The following RSF1 variants were observed in gnomAD, a reference collection of about 807,000 sequenced individuals.
The protein encoded by RSF1 is HBV pX-associated protein 8.
RSF1 carries 13 observed loss-of-function variants against 145.2 expected under a neutral mutation model. That is an observed-to-expected ratio of 0.09 (90% CI 0.06 to 0.14). The LOEUF is 0.14. RSF1 is among the 10% of genes least tolerant of loss of function. RSF1 has a pLI of 1.00. For synonymous variants in RSF1, 577 were observed against 592.6 expected (o/e 0.97, Z 0.38); for missense variants, 1,517 against 1,718.2 (o/e 0.88, Z 2.07).
At chr11:77,755,821 G>A (rs138978894) in intron 2 of RSF1, among the ~76,000 whole-genome samples, 2,076 of 152,094 alleles carry the variant, frequency 0.014, 23 homozygotes, top group Middle Eastern at 0.044. Context: ...CTCGTGATCC[G>A]CCTGCCCTGG....
intron 5 of RSF1, among the ~76,000 whole-genome samples, chr11:77,724,920 G>A (rs1961018291): frequency 6.6e-6 from 1 of 152,168 alleles, no homozygotes; most frequent in Non-Finnish European, 1.5e-5. Flanking sequence ...CCTTGGCCTG[G>A]GGGTTGGGGA....
intron 7 of RSF1, among the ~76,000 whole-genome samples, chr11:77,695,641 G>T (rs192275416): frequency 2.6e-5 from 4 of 151,886 alleles, no homozygotes; most frequent in Non-Finnish European, 5.9e-5. Context: ...GGAACATCTT[G>T]TATTTTCCCT....
intron 2 of RSF1, among the ~76,000 whole-genome samples, chr11:77,749,080 T>C (rs916113106): frequency 2.0e-5 from 3 of 152,210 alleles, no homozygotes; most frequent in African/African-American, 7.2e-5. Context: ...CATGATTCCA[T>C]GTATATGAAG....
intron 10 of RSF1, 116 bp from the exon 11 acceptor site, chr11:77,683,935 T>C (rs1054101555): frequency 1.5e-6 from 1 of 674,008 alleles, no homozygotes; most frequent in Non-Finnish European, 2.5e-6. Context: ...CTGAAAAAGT[T>C]TGAGATGATC....
chr11:77,808,900 G>A (rs917074341), intron 1 of RSF1, among the ~76,000 whole-genome samples: 8 of 152,168 alleles, frequency 5.3e-5, no homozygotes, highest in African/African-American at 1.4e-4. Flanking sequence ...GTAAAAAGAG[G>A]TGAGTGGGGA....
chr11:77,792,600 G>A (rs951422749), intron 1 of RSF1, among the ~76,000 whole-genome samples: 10 of 152,134 alleles, frequency 6.6e-5, no homozygotes, highest in Non-Finnish European at 1.5e-4. Flanking sequence ...ACCCTAAGCT[G>A]TCAAGGACAA....
chr11:77,788,834 C>A (rs1002715967), intron 1 of RSF1, among the ~76,000 whole-genome samples: 1 of 152,064 alleles, frequency 6.6e-6, no homozygotes, highest in East Asian at 1.9e-4. Flanking sequence ...CTACTAAGAA[C>A]AACCAAAATA....
the RSF1 span, among the ~76,000 whole-genome samples, chr11:77,858,972 CCTGA>C: frequency 3.1e-4 from 47 of 152,244 alleles, no homozygotes; most frequent in Non-Finnish European, 5.6e-4. Flanking sequence ...CTTTACAGGC[CCTGA>C]CTATCTGCTT....
chr11:77,765,013 T>C (rs1948211555), intron 1 of RSF1, among the ~76,000 whole-genome samples: 2 of 152,238 alleles, frequency 1.3e-5, no homozygotes, highest in African/African-American at 4.8e-5. Context: ...AATGTACCAT[T>C]ATTGTGGGAG....
intron 2 of RSF1, chr11:77,763,459 G>A (rs1468997819): frequency 1.3e-5 from 2 of 152,102 alleles, no homozygotes; most frequent in African/African-American, 4.8e-5. Flanking sequence ...CCAAGTCCTG[G>A]ATTTGAATGC....
chr11:77,702,383 A>G lies in RSF1; in HGVS notation c.846T>C (p.Asp282=). ...EETTVKKEKE[D]EKELVKLPVI... Reference sequence around the variant, plus strand: ...CTGGCAGTTTCACAAGTTCCTTTTCATCTTCTTTTTCTTTTTTCACAGTAG... The same window carrying G: ...CTGGCAGTTTCACAAGTTCCTTTTCGTCTTCTTTTTCTTTTTTCACAGTAG... Residue 282 remains aspartate (D), a synonymous_variant, in exon 6 of 16, where the codon GAT becomes GAC. Coordinates refer to ENST00000308488, the MANE Select transcript of RSF1 (RefSeq NM_016578.4). 1 of 1,609,982 alleles carries G rather than the reference A, an allele frequency of 6.2e-7. No homozygotes were observed. The highest frequency in any genetic ancestry group is 8.5e-7 in the Non-Finnish European group (1 of 1,179,150).
chr11:77,732,195 T>C (rs1018778643), intron 4 of RSF1, among the ~76,000 whole-genome samples: 1 of 152,242 alleles, frequency 6.6e-6, no homozygotes, highest in Non-Finnish European at 1.5e-5. Flanking sequence ...CTTTAAGATA[T>C]GACTGCCCTG....
chr11:77,727,014 A>G (rs4344516), intron 4 of RSF1, among the ~76,000 whole-genome samples: 32,317 of 152,184 alleles, frequency 0.21, 3,528 homozygotes, highest in Middle Eastern at 0.25. Context: ...TTAAAATGAC[A>G]ATCAATTATA....
At chr11:77,772,623 T>G (rs979530777) in intron 1 of RSF1, among the ~76,000 whole-genome samples, 2 of 152,106 alleles carry the variant, frequency 1.3e-5, no homozygotes, top group African/African-American at 4.8e-5. Context: ...AACATTGAAT[T>G]TGTCATTCAT....
Position 77,685,165 on chromosome 11 carries a change from G to T in RSF1, c.2901-6C>A. ...CATACACCAAGCGTTCTTTTCTTTAGGTGAAAAACAAACAAAATACATGAG... is the reference window on the plus strand; with the variant it reads ...CATACACCAAGCGTTCTTTTCTTTATGTGAAAAACAAACAAAATACATGAG... On this transcript the variant is annotated splice_region_variant and splice_polypyrimidine_tract_variant and intron_variant, in intron 9 of 15. Transcript: ENST00000308488. The T allele has an allele frequency of 6.5e-7, 1 of 1,530,634 alleles. No individual in the cohort carries two copies. Among genetic ancestry groups the T allele is most frequent in the South Asian group, 1.3e-5 (1 of 76,620 alleles). The allele number at this position is 1,530,634 out of a possible 1,614,324, so 94.8% of individuals were successfully genotyped here.
At chr11:77,757,672 G>A (rs938059585) in intron 2 of RSF1, among the ~76,000 whole-genome samples, 21 of 151,634 alleles carry the variant, frequency 1.4e-4, no homozygotes, top group African/African-American at 2.2e-4. Flanking sequence ...GCGAAACTCC[G>A]TCTCAAAAAA....
At chr11:77,805,685 A>T (rs1259965680) in intron 1 of RSF1, among the ~76,000 whole-genome samples, 1 of 152,214 alleles carries the variant, frequency 6.6e-6, no homozygotes, top group Non-Finnish European at 1.5e-5. Flanking sequence ...CAAAAACAAG[A>T]ATTGCAAAAT....
intron 1 of RSF1, among the ~76,000 whole-genome samples, chr11:77,797,622 ACACTAAAAG>A (rs1948585623): frequency 6.6e-6 from 1 of 152,244 alleles, no homozygotes; most frequent in Non-Finnish European, 1.5e-5. Flanking sequence ...CATGTCTAAA[ACACTAAAAG>A]CAATGGCAAC....
In RSF1 at chr11:77,662,012, C is replaced by T. The variant is rs1412842686; in HGVS notation, c.*4905G>A. ...CAATTCCATTCTTAACTTACATCAT[C>T]CAGTGGCAAAAAGCACGAGGCAAGT... On this transcript the variant is annotated 3_prime_UTR_variant, in exon 16 of 16. Coordinates refer to ENST00000308488, the MANE Select transcript of RSF1 (RefSeq NM_016578.4). The T allele has an allele frequency of 6.6e-6, 1 of 152,030 alleles. No individual in the cohort carries two copies. The highest frequency in any genetic ancestry group is 2.4e-5 in the African/African-American group (1 of 41,408). The allele number at this position is 152,030 out of a possible 1,614,324, so 9.4% of individuals were successfully genotyped here. A position where few individuals can be genotyped will look rare whatever the true frequency, so the allele number is the denominator to read the frequency against.
Sources: allele counts gnomAD v4.1 joint callset (sites outside exome capture counted in the v4.1 genomes callset), GRCh38; gene constraint gnomAD v4.1.1; transcripts MANE v1.5; gene names NCBI Gene and HGNC (gene_info 2026-07-23, HGNC 2026-07-21).